Variants in SUPT3H observed in about 807,000 individuals in gnomAD.
The protein encoded by SUPT3H is transcription initiation protein SPT3 homolog.
In SUPT3H, 44 loss-of-function variants were observed where a neutral mutation model predicts 44.3. That is an observed-to-expected ratio of 0.99 (90% confidence interval 0.78 to 1.28). SUPT3H has a LOEUF of 1.28. Ranked by LOEUF, SUPT3H falls within the 50% of genes most tolerant of loss-of-function variation. The probability of loss-of-function intolerance (pLI) is 0.00; values close to 1 mark genes in which losing one functional copy is unlikely to be tolerated. For missense variants in SUPT3H, 380 were observed against 387.1 expected (o/e 0.98, Z 0.15); for synonymous variants, 124 against 125.6 (o/e 0.99, Z 0.09).
intron 2 of SUPT3H, among the ~76,000 whole-genome samples, chr6:45,291,005 C>A (rs1268258060): frequency 6.6e-6 from 1 of 152,102 alleles, no homozygotes; most frequent in African/African-American, 2.4e-5. Context: ...AATCAGGAAA[C>A]CTGAAAGGAC....
At chr6:44,934,471 T>C (rs1227953609) in intron 9 of SUPT3H, among the ~76,000 whole-genome samples, 1 of 152,204 alleles carries the variant, frequency 6.6e-6, no homozygotes, top group Non-Finnish European at 1.5e-5. Context: ...TAAGATATTA[T>C]ATGAAACACT....
chr6:44,958,497 T>C (rs1366771042), intron 7 of SUPT3H, among the ~76,000 whole-genome samples: 3 of 152,176 alleles, frequency 2.0e-5, no homozygotes, highest in African/African-American at 7.2e-5. Flanking sequence ...CCTGGAAACT[T>C]CCCTAGCAGG....
chr6:45,301,988 G>T (rs1312306955), intron 2 of SUPT3H, among the ~76,000 whole-genome samples: 1 of 152,144 alleles, frequency 6.6e-6, no homozygotes, highest in Non-Finnish European at 1.5e-5. Flanking sequence ...CCAAGTAAAT[G>T]AACTGAATTT....
chr6:45,315,466 G>A (rs1784538895), intron 2 of SUPT3H, among the ~76,000 whole-genome samples: 3 of 152,084 alleles, frequency 2.0e-5, no homozygotes, highest in South Asian at 2.1e-4. Flanking sequence ...AGTGGGCTAA[G>A]GACATGAATA....
At chr6:45,008,445 C>T (rs1783016387) in intron 5 of SUPT3H, among the ~76,000 whole-genome samples, 1 of 152,116 alleles carries the variant, frequency 6.6e-6, no homozygotes. Context: ...GCCTCTAACT[C>T]CTGGGCTCAA....
intron 2 of SUPT3H, among the ~76,000 whole-genome samples, chr6:45,359,090 C>G (rs1191702877): frequency 6.6e-6 from 1 of 152,092 alleles, no homozygotes; most frequent in Non-Finnish European, 1.5e-5. Context: ...CTGGTAATTA[C>G]ACATATAATC....
intron 2 of SUPT3H, among the ~76,000 whole-genome samples, chr6:45,190,494 A>C (rs937183718): frequency 6.6e-6 from 1 of 152,066 alleles, no homozygotes; most frequent in Admixed American, 6.6e-5. Flanking sequence ...GCTGAAACTT[A>C]TGTGAAAAAA....
At chr6:44,908,534 A>G (rs904761256) in intron 10 of SUPT3H, among the ~76,000 whole-genome samples, 1 of 152,160 alleles carries the variant, frequency 6.6e-6, no homozygotes, top group African/African-American at 2.4e-5. Flanking sequence ...GAATTCATGG[A>G]ACTTGCCTGG....
At chr6:45,163,989 A>T (rs751250147) in intron 2 of SUPT3H, among the ~76,000 whole-genome samples, 5 of 152,188 alleles carry the variant, frequency 3.3e-5, no homozygotes, top group Non-Finnish European at 4.4e-5. Context: ...CCCCAAAATC[A>T]GTACTTGCTG....
At chr6:44,893,140 T>G (rs74431639) in intron 10 of SUPT3H, among the ~76,000 whole-genome samples, 1 of 152,208 alleles carries the variant, frequency 6.6e-6, no homozygotes, top group Non-Finnish European at 1.5e-5. Flanking sequence ...AGGTTGCATA[T>G]GTACACACAG....
At chr6:44,812,559 C>A (rs1254130961) in intron 11 of SUPT3H, among the ~76,000 whole-genome samples, 3 of 152,078 alleles carry the variant, frequency 2.0e-5, no homozygotes, top group Admixed American at 1.3e-4. Flanking sequence ...ACCTTATTTC[C>A]CTTTTGCTAT....
intron 9 of SUPT3H, among the ~76,000 whole-genome samples, chr6:44,951,716 T>C (rs1388776834): frequency 6.6e-6 from 1 of 152,182 alleles, no homozygotes; most frequent in Non-Finnish European, 1.5e-5. Flanking sequence ...CTAGGGCAGC[T>C]TGGCCACCCT....
chr6:45,072,531 T>G (rs1794519805), intron 3 of SUPT3H, among the ~76,000 whole-genome samples: 1 of 152,168 alleles, frequency 6.6e-6, no homozygotes, highest in Admixed American at 6.6e-5. Flanking sequence ...TCAGATAGTC[T>G]AAGAAGCATT....
intron 3 of SUPT3H, among the ~76,000 whole-genome samples, chr6:45,035,461 A>G (rs1787538989): frequency 6.6e-6 from 1 of 152,126 alleles, no homozygotes; most frequent in African/African-American, 2.4e-5. Flanking sequence ...GGTAATCTGA[A>G]AAGTACTAGC....
chr6:44,857,645 C>T (rs867339579), intron 10 of SUPT3H, among the ~76,000 whole-genome samples: 3 of 152,066 alleles, frequency 2.0e-5, no homozygotes, highest in Non-Finnish European at 4.4e-5. Flanking sequence ...TCTGGAGGCC[C>T]AGTTTTTACT....
intron 3 of SUPT3H, among the ~76,000 whole-genome samples, chr6:45,066,556 GA>G (rs1197158459): frequency 2.0e-5 from 2 of 99,838 alleles, no homozygotes; most frequent in Non-Finnish European, 2.0e-5. Context: ...TGTATATCTA[GA>G]AAACCCCACT....
Position 44,844,355 on chromosome 6 carries a change from T to TA in SUPT3H, c.913-14499dup, listed in dbSNP as rs890600923. The stretch of plus-strand genomic sequence containing the variant: ...CTTTCTTAGCTAACATACTTATCTG[T>TA]AAAAAAAAGATCGATAAATCAGACT... On this transcript the variant is annotated intron_variant, in intron 10 of 10. Coordinates refer to ENST00000371459, the MANE Select transcript of SUPT3H (RefSeq NM_003599.4). 5.3e-5 allele frequency among the ~76,000 whole-genome samples: 8 copies of TA among 151,842 alleles called. No individual in the cohort carries two copies. In the South Asian group the frequency reaches 8.3e-4, roughly 16 times the overall value.
intron 2 of SUPT3H, among the ~76,000 whole-genome samples, chr6:45,230,673 TA>T (rs1767831236): frequency 9.4e-6 from 1 of 105,856 alleles, no homozygotes; most frequent in East Asian, 2.3e-4. Flanking sequence ...TATATATATA[TA>T]TATATATATA....
At chr6:44,907,419 G>A (rs1766283321) in intron 10 of SUPT3H, among the ~76,000 whole-genome samples, 1 of 152,176 alleles carries the variant, frequency 6.6e-6, no homozygotes, top group South Asian at 2.1e-4. Flanking sequence ...ACTCATGCCT[G>A]TAATCCCGAC....
Sources: gnomAD v4.1 joint callset for allele counts (sites outside exome capture counted in the v4.1 genomes callset) on GRCh38, gnomAD v4.1.1 for gene constraint, MANE v1.5 for transcripts, NCBI Gene and HGNC (gene_info 2026-07-23, HGNC 2026-07-21) for gene names.